IMPG1: variants seen among roughly 807,000 people sequenced by gnomAD.
IMPG1 encodes the protein interphotoreceptor matrix proteoglycan 1.
Under a neutral mutation model 92.0 loss-of-function variants are expected in IMPG1, and 85 were observed. The ratio of observed to expected loss-of-function variants is 0.92; its 90% confidence interval spans 0.78 to 1.11. The LOEUF (loss-of-function observed/expected upper bound fraction) is 1.11. Ranked by LOEUF, IMPG1 falls within the 50% of genes least tolerant of loss-of-function variation. IMPG1 has a pLI of 0.00. For synonymous variants in IMPG1, 367 were observed against 334.1 expected, an observed-to-expected ratio of 1.10 and a Z score of -1.08; for missense variants, 1,022 against 956.0, an observed-to-expected ratio of 1.07 and a Z score of -0.91.
intron 12 of IMPG1, among the ~76,000 whole-genome samples, chr6:75,954,224 C>T (rs1393043360): frequency 6.6e-6 from 1 of 152,186 alleles, no homozygotes; most frequent in Non-Finnish European, 1.5e-5. Context: ...TTTACACTCC[C>T]ACCAATAGTG....
intron 1 of IMPG1, among the ~76,000 whole-genome samples, chr6:76,042,458 T>C (rs1340804261): frequency 6.6e-6 from 1 of 152,058 alleles, no homozygotes; most frequent in Non-Finnish European, 1.5e-5. Flanking sequence ...AGATGTCTCT[T>C]ATGATAGATA....
intron 12 of IMPG1, among the ~76,000 whole-genome samples, chr6:75,999,131 A>G (rs983967405): frequency 3.9e-5 from 6 of 152,194 alleles, no homozygotes; most frequent in Non-Finnish European, 8.8e-5. Context: ...TGCTGGGATT[A>G]CAGGCATGAG....
intron 12 of IMPG1, among the ~76,000 whole-genome samples, chr6:75,967,783 A>G (rs985689611): frequency 6.6e-6 from 1 of 152,254 alleles, no homozygotes; most frequent in African/African-American, 2.4e-5. Context: ...CTGATCACAT[A>G]GCTGAAGACA....
chr6:75,927,123 T>G (rs1223445412), intron 15 of IMPG1, among the ~76,000 whole-genome samples: 1 of 152,212 alleles, frequency 6.6e-6, no homozygotes, highest in Non-Finnish European at 1.5e-5. Context: ...TTCTTAGTTT[T>G]TCCTTACAGG....
At chr6:76,033,828 A>G (rs1050913763) in intron 4 of IMPG1, among the ~76,000 whole-genome samples, 12 of 151,604 alleles carry the variant, frequency 7.9e-5, no homozygotes, top group African/African-American at 2.9e-4. Context: ...TTGTTTTTTG[A>G]TTTTCTTATT....
intron 12 of IMPG1, among the ~76,000 whole-genome samples, chr6:75,983,300 G>T (rs1782659577): frequency 6.6e-6 from 1 of 151,896 alleles, no homozygotes; most frequent in South Asian, 2.1e-4. Context: ...GCTAATAAAG[G>T]GACAGTTTTG....
At chr6:75,944,143 G>C (rs964018659) in intron 14 of IMPG1, among the ~76,000 whole-genome samples, 9 of 152,156 alleles carry the variant, frequency 5.9e-5, no homozygotes, top group Non-Finnish European at 1.0e-4. Flanking sequence ...CTTCGCCTTT[G>C]GTGAAATATC....
intron 12 of IMPG1, among the ~76,000 whole-genome samples, chr6:75,977,520 G>C (rs1782558468): frequency 6.6e-6 from 1 of 150,474 alleles, no homozygotes; most frequent in South Asian, 2.1e-4. Flanking sequence ...CCAGGAGGCA[G>C]AAGTTGTGGT....
At chr6:76,023,847 A>G (rs1231439865) in intron 5 of IMPG1, among the ~76,000 whole-genome samples, 1 of 152,218 alleles carries the variant, frequency 6.6e-6, no homozygotes, top group Non-Finnish European at 1.5e-5. Context: ...TCTATCAGCT[A>G]AAGTACATTA....
At position 76,062,915 on chromosome 6, in the gene IMPG1, T is replaced by C. The variant is rs567000913; in HGVS notation, c.67+9507A>G. On this transcript the variant is annotated intron_variant, in intron 1 of 16. Coordinates refer to ENST00000369950, the MANE Select transcript of IMPG1 (RefSeq NM_001563.4). ...TGGAGAGAATGGATGCCAGTTCTCCTTAGAAAGAAGACTTGGGGTGGCTCA... is the reference window on the plus strand; with the variant it reads ...TGGAGAGAATGGATGCCAGTTCTCCCTAGAAAGAAGACTTGGGGTGGCTCA... Among the ~76,000 whole-genome samples, 252 of 151,720 alleles carry C rather than the reference T, an allele frequency of 1.7e-3. 5 individuals are homozygous for C. In the South Asian group the frequency reaches 0.044, roughly 26 times the overall value.
chr6:75,948,462 C>T (rs956396754), intron 13 of IMPG1, among the ~76,000 whole-genome samples: 76 of 152,282 alleles, frequency 5.0e-4, no homozygotes, highest in African/African-American at 1.7e-3. Context: ...TTTTTATTTG[C>T]CCCTGTCCCC....
chr6:75,974,343 C>CTTTCTTTA (rs1336675659), intron 12 of IMPG1, among the ~76,000 whole-genome samples: 3 of 86,166 alleles, frequency 3.5e-5, no homozygotes, highest in Non-Finnish European at 2.2e-5. Flanking sequence ...TTCTTTCTTT[C>CTTTCTTTA]TTTCTTTCTT....
At position 76,029,302 on chromosome 6, in the gene IMPG1, G is replaced by A. The variant is rs139591448; in HGVS notation, c.498-4044C>T. On this transcript the variant is annotated intron_variant, in intron 4 of 16. Coordinates refer to ENST00000369950, the MANE Select transcript of IMPG1 (RefSeq NM_001563.4). The stretch of plus-strand genomic sequence containing the variant: ...TAAAAGGTCTCACCTGAGAGTCCTC[G>A]TGGAACAGACTTCCATCAAAGCCAA... 1.0e-3 allele frequency among the ~76,000 whole-genome samples: 152 copies of A among 152,308 alleles called. No individual in the cohort carries two copies. The East Asian group carries it at 0.012, about 12-fold the overall frequency.
chr6:75,965,757 G>C (rs1412484164), intron 12 of IMPG1, among the ~76,000 whole-genome samples: 1 of 151,996 alleles, frequency 6.6e-6, no homozygotes, highest in Admixed American at 6.6e-5. Flanking sequence ...ACAGGCGCCT[G>C]CCATCACGCC....
At chr6:76,045,843 T>C (rs1344616957) in intron 1 of IMPG1, among the ~76,000 whole-genome samples, 3 of 152,168 alleles carry the variant, frequency 2.0e-5, no homozygotes, top group African/African-American at 7.2e-5. Context: ...TTTTATGAGT[T>C]TGATATTTTT....
At chr6:76,035,312 C>G (rs1272437918) in intron 2 of IMPG1, among the ~76,000 whole-genome samples, 2 of 151,622 alleles carry the variant, frequency 1.3e-5, no homozygotes, top group East Asian at 1.9e-4. Context: ...AGACCAGCCT[C>G]AACATGGAGA....
rs368493350 is a variant in IMPG1, at chr6:75,924,668, A to ATATAATAT, written c.2244-963_2244-962insATATTATA. Among the ~76,000 whole-genome samples the ATATAATAT allele has an allele frequency of 2.8e-4, 3 of 10,678 alleles. 1 individual carries two copies. The highest frequency in any genetic ancestry group is 0.012 in the South Asian group (2 of 170). 7.0% of individuals were successfully genotyped at this position (10,678 alleles called of 152,430 possible). A position where few individuals can be genotyped will look rare whatever the true frequency, so the allele number is the denominator to read the frequency against. On this transcript the variant is annotated intron_variant, in intron 15 of 16. Transcript: ENST00000369950. ...AATTAATTATATATAATATATAATA[A>ATATAATAT]ATTATATATTATATATTATATATAA...
intron 6 of IMPG1, among the ~76,000 whole-genome samples, chr6:76,019,585 A>G (rs1223206983): frequency 9.9e-5 from 15 of 152,200 alleles, no homozygotes; most frequent in African/African-American, 3.6e-4. Context: ...ATGGGCATGG[A>G]CAATACTACA....
intron 12 of IMPG1, among the ~76,000 whole-genome samples, chr6:75,955,945 G>T (rs1393670025): frequency 2.0e-5 from 3 of 152,196 alleles, no homozygotes; most frequent in Non-Finnish European, 4.4e-5. Context: ...TCCCAGGGAT[G>T]GAGCTGACTT....
Sources: gnomAD v4.1 joint callset for allele counts (sites outside exome capture counted in the v4.1 genomes callset) on GRCh38, gnomAD v4.1.1 for gene constraint, MANE v1.5 for transcripts, NCBI Gene and HGNC (gene_info 2026-07-23, HGNC 2026-07-21) for gene names.